The following AFF3 variants were observed in gnomAD, a reference collection of about 807,000 sequenced individuals.
AFF3 encodes AF4/FMR2 family member 3.
In AFF3, 32 loss-of-function variants were observed where a neutral mutation model predicts 129.7. That is an observed-to-expected ratio of 0.25 (90% CI 0.19 to 0.33). The LOEUF (loss-of-function observed/expected upper bound fraction) is 0.33, where lower values mean the gene tolerates loss of function less well. AFF3 is among the 10% of genes least tolerant of loss of function. The pLI, the probability that AFF3 is intolerant of heterozygous loss-of-function variation, is 1.00. For missense variants in AFF3, 1,373 were observed against 1,592.0 expected (o/e 0.86, Z 2.34); for synonymous variants, 644 against 635.4 (o/e 1.01, Z -0.20).
intron 11 of AFF3, among the ~76,000 whole-genome samples, chr2:99,694,106 C>T (rs558967930): frequency 6.6e-6 from 1 of 152,062 alleles, no homozygotes; most frequent in East Asian, 1.9e-4. Flanking sequence ...TTAGTAGTGG[C>T]CAGCTGGTCT....
At chr2:99,594,358 G>A in intron 14 of AFF3, 69 bp from the exon 15 acceptor site, 2 of 1,525,058 alleles carry the variant, frequency 1.3e-6, no homozygotes, top group East Asian at 2.3e-5. Flanking sequence ...GGGCCTGGCT[G>A]TTTTTATCTT....
chr2:99,935,430 G>A (rs1674436587), intron 7 of AFF3, among the ~76,000 whole-genome samples: 1 of 152,144 alleles, frequency 6.6e-6, no homozygotes, highest in Non-Finnish European at 1.5e-5. Context: ...AAGGGAGAGG[G>A]GAGCAGGTAT....
chr2:99,920,404 A>T (rs1377405829), intron 7 of AFF3, among the ~76,000 whole-genome samples: 1 of 152,090 alleles, frequency 6.6e-6, no homozygotes, highest in Non-Finnish European at 1.5e-5. Flanking sequence ...AGTCCAATAT[A>T]TTAACACATT....
chr2:99,938,788 C>A (rs1301068232), intron 7 of AFF3, among the ~76,000 whole-genome samples: 3 of 152,326 alleles, frequency 2.0e-5, no homozygotes, highest in Admixed American at 6.5e-5. Flanking sequence ...CCAGTCCCCA[C>A]AATTATGTGA....
intron 7 of AFF3, among the ~76,000 whole-genome samples, chr2:99,876,174 G>A (rs759926495): frequency 6.6e-6 from 1 of 152,086 alleles, no homozygotes; most frequent in Non-Finnish European, 1.5e-5. Flanking sequence ...TATGAATCCC[G>A]GTGGCTTTGA....
chr2:99,933,679 C>T (rs996135430), intron 7 of AFF3, among the ~76,000 whole-genome samples: 35 of 152,144 alleles, frequency 2.3e-4, no homozygotes, highest in Non-Finnish European at 4.1e-4. Context: ...ATGAACTCAT[C>T]CTTTTTTATG....
At chr2:100,030,344 A>G (rs182961619) in intron 4 of AFF3, among the ~76,000 whole-genome samples, 314 of 152,330 alleles carry the variant, frequency 2.1e-3, no homozygotes, top group Non-Finnish European at 3.1e-3. Context: ...ATACCGCTAC[A>G]CACCTATTGT....
chr2:99,663,805 C>G (rs1156405335), intron 12 of AFF3, among the ~76,000 whole-genome samples: 1 of 152,238 alleles, frequency 6.6e-6, no homozygotes, highest in Non-Finnish European at 1.5e-5. Context: ...GTCCCTTCCT[C>G]TCCCTAAGCT....
Position 100,072,780 on chromosome 2 carries a change from C to T in AFF3, c.53+31622G>A, listed in dbSNP as rs113343573. Reference sequence around the variant, plus strand: ...ACTGACCTGTTGGGTCAACCAGTTTCCAAAATAACCTCATTGCTGTTTCTT... The same window carrying T: ...ACTGACCTGTTGGGTCAACCAGTTTTCAAAATAACCTCATTGCTGTTTCTT... On this transcript the variant is annotated intron_variant, in intron 4 of 24. Transcript: ENST00000672756. Among the ~76,000 whole-genome samples the T allele has an allele frequency of 3.4e-3, 518 of 152,318 alleles. 3 individuals carry two copies. Among genetic ancestry groups the T allele is most frequent in the Non-Finnish European group, 5.4e-3 (367 of 68,008 alleles).
In AFF3 at chr2:99,736,751, A is replaced by G. The variant is rs544463870; in HGVS notation, c.1039+7353T>C. Among the ~76,000 whole-genome samples, 13 of 152,096 alleles carry G rather than the reference A, an allele frequency of 8.5e-5. No homozygotes were observed. In the East Asian group the frequency reaches 1.9e-3, roughly 23 times the overall value. On this transcript the variant is annotated intron_variant, in intron 10 of 24. Coordinates refer to ENST00000672756, the MANE Select transcript of AFF3 (RefSeq NM_001386135.1). Reference sequence around the variant, plus strand: ...CAGCCTCCTGAGTAGCTAGGACTACAGGCATACGCCACCACGCCCGGCTAA... The same window carrying G: ...CAGCCTCCTGAGTAGCTAGGACTACGGGCATACGCCACCACGCCCGGCTAA...
At chr2:100,113,816 A>G (rs1472157617) in intron 2 of AFF3, among the ~76,000 whole-genome samples, 2 of 152,160 alleles carry the variant, frequency 1.3e-5, no homozygotes, top group Admixed American at 6.5e-5. Context: ...CACAGAGGCC[A>G]GAAGAAGCAT....
At chr2:99,680,360 T>G (rs1447674017) in intron 11 of AFF3, among the ~76,000 whole-genome samples, 1 of 152,186 alleles carries the variant, frequency 6.6e-6, no homozygotes, top group East Asian at 1.9e-4. Flanking sequence ...GTTCTCAGTA[T>G]TAAAGAATTG....
At chr2:99,896,452 C>G (rs1216638240) in intron 7 of AFF3, among the ~76,000 whole-genome samples, 1 of 151,984 alleles carries the variant, frequency 6.6e-6, no homozygotes, top group Non-Finnish European at 1.5e-5. Flanking sequence ...GCAGGAGTCT[C>G]TGGTTCTTGG....
chr2:99,864,179 T>C (rs2105926730), intron 7 of AFF3, among the ~76,000 whole-genome samples: 1 of 152,336 alleles, frequency 6.6e-6, no homozygotes, highest in South Asian at 2.1e-4. Flanking sequence ...AACCTGATGA[T>C]GGCTGCATAA....
chr2:100,032,266 A>C (rs1425223964), intron 4 of AFF3, among the ~76,000 whole-genome samples: 1 of 152,088 alleles, frequency 6.6e-6, no homozygotes, highest in Non-Finnish European at 1.5e-5. Context: ...TCTCTACTAA[A>C]AATACAAAAC....
In AFF3 at chr2:99,810,428, A is replaced by T. The variant is rs114310164; in HGVS notation, c.921+27049T>A. ...AGTATTTATGGAATGCCCACAGGGC[A>T]CAGAGCAATAAACCTATTGCTTACT... On this transcript the variant is annotated intron_variant, in intron 8 of 24. Coordinates refer to ENST00000672756, the MANE Select transcript of AFF3 (RefSeq NM_001386135.1). 4.3e-3 allele frequency among the ~76,000 whole-genome samples: 660 copies of T among 152,388 alleles called. 8 individuals are homozygous for T. Among genetic ancestry groups the T allele is most frequent in the African/African-American group, 0.015 (631 of 41,596 alleles).
intron 4 of AFF3, among the ~76,000 whole-genome samples, chr2:100,025,472 GC>G (rs1683961182): frequency 1.3e-5 from 2 of 152,056 alleles, no homozygotes; most frequent in South Asian, 4.1e-4. Flanking sequence ...TGACCATACT[GC>G]CAAAAGCAAT....
chr2:99,984,219 A>G (rs576403404), intron 7 of AFF3, among the ~76,000 whole-genome samples: 1 of 152,372 alleles, frequency 6.6e-6, no homozygotes, highest in South Asian at 2.1e-4. Context: ...GACAGTGAAG[A>G]AATACACAAT....
rs1250883430 is a variant in AFF3, at chr2:99,547,493, TG to T, written c.*3980del. ...AGTGTCTACATTGTTAAAAAAATCT[TG>T]CTTTTTTTTTTTTTTGGTGATGCAG... On this transcript the variant is annotated 3_prime_UTR_variant, in exon 25 of 25. Transcript: ENST00000672756. The T allele has an allele frequency of 3.8e-5, 7 of 183,690 alleles. No individual in the cohort carries two copies. Among genetic ancestry groups the T allele is most frequent in the African/African-American group, 1.9e-4 (7 of 36,332 alleles). The allele number at this position is 183,690 out of a possible 1,614,324, so 11.4% of individuals were successfully genotyped here.
Sources: gnomAD v4.1 joint callset for allele counts (sites outside exome capture counted in the v4.1 genomes callset) on GRCh38, gnomAD v4.1.1 for gene constraint, MANE v1.5 for transcripts, NCBI Gene and HGNC (gene_info 2026-07-23, HGNC 2026-07-21) for gene names.